PTPN3: variants seen among roughly 807,000 people sequenced by gnomAD.
PTPN3 encodes the protein protein tyrosine phosphatase non-receptor type 3, also known as tyrosine-protein phosphatase non-receptor type 3.
In PTPN3, 96 loss-of-function variants were observed where a neutral mutation model predicts 132.7. The ratio of observed to expected loss-of-function variants is 0.72; its 90% CI spans 0.61 to 0.86. The LOEUF is 0.86. Ranked by LOEUF, PTPN3 falls within the 40% of genes least tolerant of loss-of-function variation. PTPN3 has a pLI of 0.00. For synonymous variants in PTPN3, 398 were observed against 429.0 expected, an observed-to-expected ratio of 0.93 and a Z score of 0.89; for missense variants, 1,125 against 1,159.6, an observed-to-expected ratio of 0.97 and a Z score of 0.43.
Position 109,443,244 on chromosome 9 carries a change from T to C in PTPN3, c.466+1996A>G, listed in dbSNP as rs561349613. Among the ~76,000 whole-genome samples, 7 of 151,964 alleles carry C rather than the reference T, an allele frequency of 4.6e-5. No individual in the cohort carries two copies. The East Asian group carries it at 7.8e-4, about 17-fold the overall frequency. On this transcript the variant is annotated intron_variant, in intron 7 of 25. Transcript: ENST00000374541. ...GCACCGCACCACCACACCCAGCTAA[T>C]TTTTCTATTTTTTGTAGAGATGGGG...
intron 5 of PTPN3, among the ~76,000 whole-genome samples, chr9:109,453,293 C>T (rs550392102): frequency 6.6e-6 from 1 of 152,192 alleles, no homozygotes; most frequent in South Asian, 2.1e-4. Flanking sequence ...TTAATGCTGC[C>T]TCCTTGATTA....
At chr9:109,432,889 A>G (rs1843763322) in intron 10 of PTPN3, among the ~76,000 whole-genome samples, 184 bp downstream of exon 10, 1 of 152,200 alleles carries the variant, frequency 6.6e-6, no homozygotes, top group South Asian at 2.1e-4. Context: ...AATGCTAATG[A>G]AAACTAAACT....
chr9:109,440,285 T>C (rs1165286404), intron 7 of PTPN3, among the ~76,000 whole-genome samples: 1 of 152,190 alleles, frequency 6.6e-6, no homozygotes, highest in East Asian at 1.9e-4. Flanking sequence ...TGGAAAGAAA[T>C]GTCAAGGCTA....
intron 1 of PTPN3, among the ~76,000 whole-genome samples, chr9:109,486,235 G>C (rs893031075): frequency 6.6e-6 from 1 of 152,168 alleles, no homozygotes; most frequent in Non-Finnish European, 1.5e-5. Flanking sequence ...GGGAAGCCCT[G>C]GCTTATAGCA....
intron 12 of PTPN3, among the ~76,000 whole-genome samples, chr9:109,424,067 A>G (rs965175169): frequency 6.6e-6 from 1 of 152,186 alleles, no homozygotes; most frequent in Admixed American, 6.5e-5. Context: ...GCCAGTGATG[A>G]AGAGCACAGG....
At chr9:109,492,189 A>T (rs938800887) in intron 1 of PTPN3, among the ~76,000 whole-genome samples, 2 of 152,092 alleles carry the variant, frequency 1.3e-5, no homozygotes, top group Non-Finnish European at 2.9e-5. Flanking sequence ...GGCGGTCAAA[A>T]AACAGCTGAT....
chr9:109,536,429 C>T, the PTPN3 span, among the ~76,000 whole-genome samples: 1 of 152,220 alleles, frequency 6.6e-6, no homozygotes, highest in South Asian at 2.1e-4. Context: ...CAAACCATTT[C>T]CCCTCCTTTC....
chr9:109,450,270 T>C, intron 5 of PTPN3: 2 of 985,396 alleles, frequency 2.0e-6, no homozygotes, highest in Non-Finnish European at 2.4e-6. Flanking sequence ...CTCCATCTTT[T>C]CCACCTAGGA....
chr9:109,445,998 T>C (rs1844828180), intron 6 of PTPN3, among the ~76,000 whole-genome samples: 1 of 152,216 alleles, frequency 6.6e-6, no homozygotes, highest in Non-Finnish European at 1.5e-5. Flanking sequence ...TTTCTGCCAA[T>C]GACTCCACCT....
In PTPN3 at chr9:109,408,383, A is replaced by G. The variant is rs199499867; in HGVS notation, c.1579-6T>C. The G allele has an allele frequency of 2.5e-6, 4 of 1,578,888 alleles. No homozygotes were observed. The highest frequency in any genetic ancestry group is 3.4e-6 in the Non-Finnish European group (4 of 1,161,182). On this transcript the variant is annotated splice_region_variant and splice_polypyrimidine_tract_variant and intron_variant, in intron 16 of 25. Coordinates refer to ENST00000374541, the MANE Select transcript of PTPN3 (RefSeq NM_002829.4). ...ATCTTTTGATCCACTCCTCCCTGTA[A>G]ACATTTTAAAATAAAAACAAAACAA... is the stretch of plus-strand genomic sequence containing the variant.
At chr9:109,399,145 C>T (rs564701281) in intron 19 of PTPN3, among the ~76,000 whole-genome samples, 2 of 152,156 alleles carry the variant, frequency 1.3e-5, no homozygotes, top group East Asian at 1.9e-4. Flanking sequence ...GGCGAGTTGC[C>T]GACAATAAGT....
the PTPN3 span, among the ~76,000 whole-genome samples, chr9:109,507,677 C>T: frequency 6.6e-6 from 1 of 152,214 alleles, no homozygotes; most frequent in Non-Finnish European, 1.5e-5. Flanking sequence ...CTGTGTTCAG[C>T]CAGGGACAGC....
At chr9:109,449,206 A>C in intron 5 of PTPN3, 1 of 1,063,768 alleles carries the variant, frequency 9.4e-7, no homozygotes, top group Non-Finnish European at 1.1e-6. Flanking sequence ...GAGGACCAGA[A>C]CCCACAGGGG....
chr9:109,520,459 G>C, the PTPN3 span, among the ~76,000 whole-genome samples: 2 of 152,244 alleles, frequency 1.3e-5, no homozygotes, highest in Non-Finnish European at 2.9e-5. Flanking sequence ...CGAAGTATAT[G>C]AATTGAGAGT....
chr9:109,426,159 A>G (rs1291085576), intron 12 of PTPN3, among the ~76,000 whole-genome samples: 2 of 150,932 alleles, frequency 1.3e-5, no homozygotes, highest in Admixed American at 1.3e-4. Flanking sequence ...TTTAGAGAAT[A>G]AATTTATCTT....
intron 17 of PTPN3, 112 bp from the exon 18 acceptor site, chr9:109,406,730 C>T: frequency 7.3e-7 from 1 of 1,372,958 alleles, no homozygotes; most frequent in Non-Finnish European, 1.0e-6. Flanking sequence ...AGTTTGCCTT[C>T]TCTCCCTCGG....
At chr9:109,467,491 G>C (rs1409105960) in intron 1 of PTPN3, among the ~76,000 whole-genome samples, 2 of 152,258 alleles carry the variant, frequency 1.3e-5, no homozygotes, top group South Asian at 4.2e-4. Context: ...GAACCTCAGG[G>C]TGTGTTTTGG....
At chr9:109,413,937 G>C (rs1429303036) in intron 14 of PTPN3, among the ~76,000 whole-genome samples, 1 of 152,168 alleles carries the variant, frequency 6.6e-6, no homozygotes, top group Non-Finnish European at 1.5e-5. Flanking sequence ...CCCGCCGCCT[G>C]TGAAAGGAGG....
intron 20 of PTPN3, 53 bp downstream of exon 20, chr9:109,391,418 G>A (rs1291946377): frequency 6.5e-7 from 1 of 1,530,224 alleles, no homozygotes; most frequent in Non-Finnish European, 9.0e-7. Context: ...TTTTAAAAAG[G>A]GAAACATTAT....
Sources: gnomAD v4.1 joint callset for allele counts (sites outside exome capture counted in the v4.1 genomes callset) on GRCh38, gnomAD v4.1.1 for gene constraint, MANE v1.5 for transcripts, NCBI Gene and HGNC (gene_info 2026-07-23, HGNC 2026-07-21) for gene names.